Variants in KLRF1 observed in about 807,000 individuals in gnomAD.
KLRF1 encodes killer cell lectin-like receptor subfamily F member 1.
KLRF1 carries 27 observed loss-of-function variants against 30.7 expected under a neutral mutation model. The observed-to-expected ratio is 0.88, with a 90% CI of 0.65 to 1.21. The LOEUF (loss-of-function observed/expected upper bound fraction) is 1.21, where lower values mean the gene tolerates loss of function less well. KLRF1 is among the 50% of genes most tolerant of loss of function. KLRF1 has a pLI of 0.00. For missense variants in KLRF1, 246 were observed against 259.3 expected (o/e 0.95, Z 0.35); for synonymous variants, 92 against 89.3 (o/e 1.03, Z -0.17).
At chr12:9,842,455 A>G in intron 5 of KLRF1, 22 bp downstream of exon 5, 3 of 1,607,278 alleles carry the variant, frequency 1.9e-6, no homozygotes, top group South Asian at 2.2e-5. Context: ...TTAAAAGGCA[A>G]TCTGATTTAT....
intron 3 of KLRF1, among the ~76,000 whole-genome samples, chr12:9,841,405 C>A (rs1013011349): frequency 2.0e-5 from 3 of 151,918 alleles, no homozygotes; most frequent in Non-Finnish European, 4.4e-5. Context: ...ACATCAAACC[C>A]CCATGACACA....
intron 3 of KLRF1, 135 bp from the exon 4 acceptor site, chr12:9,841,677 C>G: frequency 1.7e-6 from 1 of 600,542 alleles, no homozygotes; most frequent in Non-Finnish European, 2.7e-6. Context: ...TCTTTTGTGT[C>G]TGGACAATTT....
At chr12:9,827,052 A>G (rs1047067476), upstream of KLRF1, among the ~76,000 whole-genome samples, 12 of 152,240 alleles carry the variant, frequency 7.9e-5, no homozygotes, top group African/African-American at 2.9e-4. Flanking sequence ...ATACTGTTAA[A>G]TTATTAGCAT....
chr12:9,807,422 T>C, the KLRF1 span, among the ~76,000 whole-genome samples: 4 of 152,138 alleles, frequency 2.6e-5, no homozygotes, highest in African/African-American at 9.7e-5. Flanking sequence ...TTCTCAGGTA[T>C]CTGATACAGT....
chr12:9,820,864 A>T, the KLRF1 span, among the ~76,000 whole-genome samples: 1 of 152,128 alleles, frequency 6.6e-6, no homozygotes, highest in Non-Finnish European at 1.5e-5. Flanking sequence ...CACCACAGTC[A>T]ACATACAGAA....
rs115102930 is a variant in KLRF1, at chr12:9,834,422, G to A, written c.334+970G>A. ...CAGCGAAAAAAAAATTTGGGTGCGG[G>A]GGGTAGCATGGAGAGATAATGGGCG... On this transcript the variant is annotated intron_variant, in intron 3 of 5. Coordinates refer to ENST00000617889, the MANE Select transcript of KLRF1 (RefSeq NM_016523.3). 7.1e-3 allele frequency among the ~76,000 whole-genome samples: 1,087 copies of A among 152,138 alleles called. 17 individuals carry two copies. The highest frequency in any genetic ancestry group is 0.023 in the African/African-American group (972 of 41,500).
At chr12:9,803,628 T>A in the KLRF1 span, among the ~76,000 whole-genome samples, 47 of 152,184 alleles carry the variant, frequency 3.1e-4, no homozygotes, top group African/African-American at 1.1e-3. Flanking sequence ...TGTTTTTATT[T>A]AAAAATTTTT....
the KLRF1 span, among the ~76,000 whole-genome samples, chr12:9,807,708 T>C: frequency 6.6e-6 from 1 of 152,142 alleles, no homozygotes; most frequent in African/African-American, 2.4e-5. Flanking sequence ...TATTTTTTAG[T>C]ATTTCTTACA....
the KLRF1 span, among the ~76,000 whole-genome samples, chr12:9,811,156 C>A: frequency 6.7e-6 from 1 of 149,438 alleles, no homozygotes. Flanking sequence ...TGAAAAGAAG[C>A]TGGAAGTATA....
upstream of KLRF1, among the ~76,000 whole-genome samples, chr12:9,824,442 A>G (rs1867259115): frequency 6.6e-6 from 1 of 152,218 alleles, no homozygotes; most frequent in Non-Finnish European, 1.5e-5. Flanking sequence ...AAATCACTCA[A>G]TAAACTATGT....
rs765870448 is a variant in KLRF1 at position 9,827,519 on chromosome 12, T to C, written c.-26T>C. ...CTTAATAAAACAAAACATACCTGTA[T>C]ACACACACATTCACTCACATTGAAG... On this transcript the variant is annotated 5_prime_UTR_variant, in exon 1 of 6. Transcript: ENST00000617889. 1.5e-6 allele frequency: 2 copies of C among 1,363,796 alleles called. No individual in the cohort carries two copies. The highest frequency in any genetic ancestry group is 2.1e-6 in the Non-Finnish European group (2 of 960,830). The allele number at this position is 1,363,796 out of a possible 1,614,324, so 84.5% of individuals were successfully genotyped here.
the KLRF1 span, chr12:9,817,477 A>G: frequency 2.3e-6 from 1 of 427,576 alleles, no homozygotes; most frequent in South Asian, 2.0e-5. Flanking sequence ...GTTCATCCTT[A>G]TTTCGCTTGA....
intron 3 of KLRF1, among the ~76,000 whole-genome samples, chr12:9,839,774 A>T (rs2121231860): frequency 6.6e-6 from 1 of 152,194 alleles, no homozygotes; most frequent in Admixed American, 6.6e-5. Flanking sequence ...GAAATGTAAA[A>T]TTTTATAGTA....
chr12:9,840,366 C>T (rs1027641875), intron 3 of KLRF1, among the ~76,000 whole-genome samples: 8 of 151,532 alleles, frequency 5.3e-5, no homozygotes, highest in Non-Finnish European at 7.4e-5. Context: ...AAAATAATCA[C>T]GATAAAAAAT....
At chr12:9,818,855 T>C in the KLRF1 span, among the ~76,000 whole-genome samples, 1 of 152,192 alleles carries the variant, frequency 6.6e-6, no homozygotes, top group Non-Finnish European at 1.5e-5. Flanking sequence ...TGTGTGCTGT[T>C]CTCACAGGAG....
the KLRF1 span, among the ~76,000 whole-genome samples, chr12:9,816,113 G>C: frequency 2.6e-3 from 398 of 152,274 alleles, 1 homozygote; most frequent in African/African-American, 9.2e-3. Flanking sequence ...CACTGCGCCT[G>C]GCCACAGCAA....
chr12:9,839,430 C>T (rs942366486), intron 3 of KLRF1, among the ~76,000 whole-genome samples: 6 of 151,948 alleles, frequency 3.9e-5, no homozygotes, highest in South Asian at 2.1e-4. Context: ...AAATTCATGT[C>T]GTTCTAACAT....
chr12:9,839,189 C>T (rs2121230217), intron 3 of KLRF1, among the ~76,000 whole-genome samples: 1 of 152,054 alleles, frequency 6.6e-6, no homozygotes, highest in Non-Finnish European at 1.5e-5. Flanking sequence ...TGGTGAGGGC[C>T]CTCTTCTCTG....
the KLRF1 span, among the ~76,000 whole-genome samples, chr12:9,800,829 T>A: frequency 8.6e-5 from 13 of 151,998 alleles, no homozygotes; most frequent in African/African-American, 3.1e-4. Flanking sequence ...TTTCATTTTT[T>A]AAAAAATTTT....
Sources: allele counts gnomAD v4.1 joint callset (sites outside exome capture counted in the v4.1 genomes callset), GRCh38; gene constraint gnomAD v4.1.1; transcripts MANE v1.5; gene names NCBI Gene and HGNC (gene_info 2026-07-23, HGNC 2026-07-21).